The following CAST variants were observed in gnomAD, a reference collection of about 807,000 sequenced individuals.
CAST encodes MIR583 host.
A neutral mutation model predicts 119.6 loss-of-function variants in CAST; 76 were observed. The observed-to-expected ratio is 0.64, with a 90% CI of 0.53 to 0.77. The LOEUF (loss-of-function observed/expected upper bound fraction) is 0.77, where lower values mean the gene tolerates loss of function less well. Ranked by LOEUF, CAST falls within the 30% of genes least tolerant of loss-of-function variation. The probability of loss-of-function intolerance (pLI) is 0.00; values close to 1 mark genes in which losing one functional copy is unlikely to be tolerated. For synonymous variants in CAST, 319 were observed against 331.6 expected, an observed-to-expected ratio of 0.96 and a Z score of 0.41; for missense variants, 953 against 946.5, an observed-to-expected ratio of 1.01 and a Z score of -0.09.
the CAST span, among the ~76,000 whole-genome samples, chr5:96,069,331 A>C: frequency 6.6e-6 from 1 of 150,802 alleles, no homozygotes. Flanking sequence ...GTGATTGTGG[A>C]GACTGGAAAG....
the CAST span, among the ~76,000 whole-genome samples, chr5:96,517,263 G>C: frequency 6.6e-6 from 1 of 151,916 alleles, no homozygotes; most frequent in Non-Finnish European, 1.5e-5. Context: ...TGCTAGCTTT[G>C]GTTTCCCATA....
the CAST span, among the ~76,000 whole-genome samples, chr5:96,509,564 A>G: frequency 6.6e-6 from 1 of 152,156 alleles, no homozygotes; most frequent in Admixed American, 6.6e-5. Context: ...TAAATAATCC[A>G]TCTTTGGCCA....
At chr5:96,316,807 G>C in the CAST span, among the ~76,000 whole-genome samples, 8 of 152,240 alleles carry the variant, frequency 5.3e-5, no homozygotes, top group Non-Finnish European at 8.8e-5. Flanking sequence ...CCACACCTGG[G>C]TTATATATGC....
At chr5:96,426,655 G>A in the CAST span, among the ~76,000 whole-genome samples, 24 of 152,222 alleles carry the variant, frequency 1.6e-4, no homozygotes, top group African/African-American at 5.8e-4. Flanking sequence ...CTGCCTTGTA[G>A]TTATATTCAT....
the CAST span, among the ~76,000 whole-genome samples, chr5:96,453,761 A>C: frequency 6.6e-6 from 1 of 152,282 alleles, no homozygotes; most frequent in Admixed American, 6.5e-5. Context: ...TGATCTAATC[A>C]GAATAAATGC....
chr5:96,429,385 C>G, the CAST span: 1 of 851,928 alleles, frequency 1.2e-6, no homozygotes, highest in Non-Finnish European at 2.0e-6. Flanking sequence ...TAGTTTAAAA[C>G]TCAGCTAACT....
At chr5:96,668,398 G>A (rs1439987031) in intron 1 of CAST, among the ~76,000 whole-genome samples, 1 of 152,178 alleles carries the variant, frequency 6.6e-6, no homozygotes, top group Non-Finnish European at 1.5e-5. Context: ...TTGTACTTTA[G>A]GGAAAGTAAA....
the CAST span, among the ~76,000 whole-genome samples, chr5:96,463,529 A>G: frequency 1.3e-5 from 2 of 152,220 alleles, no homozygotes; most frequent in South Asian, 2.1e-4. Context: ...CTTATCCAGG[A>G]CATAAACACA....
the CAST span, among the ~76,000 whole-genome samples, chr5:96,081,501 A>T: frequency 1.3e-5 from 2 of 152,186 alleles, no homozygotes; most frequent in African/African-American, 4.8e-5. Context: ...GTGTGGTGTG[A>T]GAGAACAGAA....
intron 19 of CAST, among the ~76,000 whole-genome samples, chr5:96,749,650 A>G (rs924641696): frequency 1.1e-4 from 16 of 152,148 alleles, no homozygotes; most frequent in African/African-American, 3.9e-4. Context: ...AGGCCCAAGC[A>G]ATTCTCTCGC....
chr5:96,674,689 C>G (rs538054185), intron 1 of CAST, among the ~76,000 whole-genome samples: 12 of 152,300 alleles, frequency 7.9e-5, no homozygotes, highest in African/African-American at 2.9e-4. Flanking sequence ...GCATTAGGGA[C>G]AGTTTGATCA....
intron 2 of CAST, among the ~76,000 whole-genome samples, chr5:96,686,864 A>G (rs1349539893): frequency 6.6e-6 from 1 of 152,066 alleles, no homozygotes; most frequent in African/African-American, 2.4e-5. Context: ...GGACCACTGC[A>G]AGGGAATTTT....
At chr5:96,416,849 C>T in the CAST span, among the ~76,000 whole-genome samples, 4 of 152,180 alleles carry the variant, frequency 2.6e-5, no homozygotes, top group East Asian at 1.9e-4. Flanking sequence ...AAGAAAAATG[C>T]GTCTTCCAAA....
At chr5:96,029,226 C>G in the CAST span, among the ~76,000 whole-genome samples, 1 of 152,044 alleles carries the variant, frequency 6.6e-6, no homozygotes, top group East Asian at 1.9e-4. Context: ...GGTGAAACAA[C>G]TGAAAAATTT....
intron 1 of CAST, among the ~76,000 whole-genome samples, chr5:96,638,558 T>C (rs1189344674): frequency 6.6e-6 from 1 of 152,222 alleles, no homozygotes; most frequent in Non-Finnish European, 1.5e-5. Context: ...TTGGTGTTTT[T>C]TGTGCCAGTG....
the CAST span, among the ~76,000 whole-genome samples, chr5:95,963,063 T>C: frequency 5.9e-5 from 9 of 152,136 alleles, no homozygotes; most frequent in Non-Finnish European, 1.2e-4. Context: ...GATTAATTGG[T>C]TGATCAGAAA....
At position 96,747,315 on chromosome 5, in the gene CAST, A is replaced by G. The variant is rs755195630; in HGVS notation, c.1285-30A>G. On this transcript the variant is annotated intron_variant, in intron 17 of 31. Coordinates refer to ENST00000675179, the MANE Select transcript of CAST (RefSeq NM_001750.7). ...ACATGAAAGCAAAATTTTCTATTTC[A>G]TTTCCAATGAATTTTAATTTCATTT... 4.1e-5 allele frequency: 61 copies of G among 1,491,516 alleles called. 2 individuals are homozygous for G. In the South Asian group the frequency reaches 7.1e-4, roughly 17 times the overall value. 92.4% of individuals were successfully genotyped at this position (1,491,516 alleles called of 1,614,324 possible).
At chr5:96,643,907 G>A (rs1672872777) in intron 1 of CAST, among the ~76,000 whole-genome samples, 1 of 151,974 alleles carries the variant, frequency 6.6e-6, no homozygotes, top group African/African-American at 2.4e-5. Flanking sequence ...AAATTAGCTG[G>A]GCATGTTGGT....
chr5:96,326,923 G>A, the CAST span, among the ~76,000 whole-genome samples: 230 of 152,182 alleles, frequency 1.5e-3, no homozygotes, highest in African/African-American at 5.3e-3. Flanking sequence ...GTTTTTATCC[G>A]TCTGCTCAGA....
Sources: gnomAD v4.1 joint callset for allele counts (sites outside exome capture counted in the v4.1 genomes callset) on GRCh38, gnomAD v4.1.1 for gene constraint, MANE v1.5 for transcripts, NCBI Gene and HGNC (gene_info 2026-07-23, HGNC 2026-07-21) for gene names.